The following FBXO4 variants were observed in gnomAD, a reference collection of about 807,000 sequenced individuals.
The protein encoded by FBXO4 is F-box only protein 4.
FBXO4 carries 36 observed loss-of-function variants against 43.7 expected under a neutral mutation model. The observed-to-expected ratio is 0.82, with a 90% CI of 0.63 to 1.09. The LOEUF is 1.09. FBXO4 is among the 50% of genes least tolerant of loss of function. FBXO4 has a pLI of 0.00. For missense variants in FBXO4, 435 were observed against 474.1 expected, an observed-to-expected ratio of 0.92 and a Z score of 0.77; for synonymous variants, 180 against 165.6, an observed-to-expected ratio of 1.09 and a Z score of -0.67.
chr5:42,004,937 G>A, the FBXO4 span, among the ~76,000 whole-genome samples: 2 of 152,024 alleles, frequency 1.3e-5, no homozygotes, highest in Admixed American at 6.6e-5. Flanking sequence ...ACTGAGGGAC[G>A]GAGGCATTGA....
intron 5 of FBXO4, among the ~76,000 whole-genome samples, chr5:41,936,417 G>T (rs932470603): frequency 1.3e-5 from 2 of 151,926 alleles, no homozygotes; most frequent in Non-Finnish European, 2.9e-5. Flanking sequence ...GCCTGTAGTC[G>T]CAACTACTTG....
the FBXO4 span, among the ~76,000 whole-genome samples, chr5:42,037,092 G>T: frequency 6.6e-6 from 1 of 152,012 alleles, no homozygotes; most frequent in Non-Finnish European, 1.5e-5. Context: ...CTTTATTTTT[G>T]CATGGCTTCT....
chr5:42,017,090 A>G, the FBXO4 span, among the ~76,000 whole-genome samples: 1 of 152,036 alleles, frequency 6.6e-6, no homozygotes, highest in African/African-American at 2.4e-5. Context: ...TATATCGTAT[A>G]TAGTATAGAT....
the FBXO4 span, among the ~76,000 whole-genome samples, chr5:41,959,517 G>T: frequency 1.3e-5 from 2 of 151,916 alleles, no homozygotes; most frequent in African/African-American, 4.8e-5. Context: ...ATAGTTTTTG[G>T]TATTATATTT....
intron 3 of FBXO4, 121 bp downstream of exon 3, chr5:41,930,038 T>C: frequency 1.3e-6 from 1 of 785,958 alleles, no homozygotes; most frequent in Non-Finnish European, 2.0e-6. Context: ...CTTTGGTTGT[T>C]GGGAGCCCTA....
chr5:42,012,853 A>G, the FBXO4 span, among the ~76,000 whole-genome samples: 1 of 152,206 alleles, frequency 6.6e-6, no homozygotes, highest in Non-Finnish European at 1.5e-5. Context: ...TGTTTGTTGT[A>G]AGATTTACAA....
the FBXO4 span, among the ~76,000 whole-genome samples, chr5:42,003,209 T>G: frequency 6.6e-6 from 1 of 152,134 alleles, no homozygotes; most frequent in African/African-American, 2.4e-5. Flanking sequence ...AGTTGTGGAG[T>G]TGAGGCAAAA....
At chr5:42,030,355 G>A in the FBXO4 span, among the ~76,000 whole-genome samples, 1 of 152,058 alleles carries the variant, frequency 6.6e-6, no homozygotes, top group Non-Finnish European at 1.5e-5. Flanking sequence ...AAGAAATGGG[G>A]AAACGATTCC....
chr5:41,930,753 C>T (rs1158358312), intron 3 of FBXO4, among the ~76,000 whole-genome samples: 3 of 151,720 alleles, frequency 2.0e-5, no homozygotes, highest in East Asian at 1.9e-4. Flanking sequence ...CTGCCAGCTC[C>T]GCCTCCCGGG....
the FBXO4 span, among the ~76,000 whole-genome samples, chr5:41,985,400 G>A: frequency 6.6e-6 from 1 of 152,304 alleles, no homozygotes; most frequent in East Asian, 1.9e-4. Context: ...AAAGAAATAG[G>A]ATTACAAGGC....
the FBXO4 span, among the ~76,000 whole-genome samples, chr5:41,972,344 A>G: frequency 3.3e-5 from 5 of 152,148 alleles, no homozygotes; most frequent in Non-Finnish European, 7.4e-5. Flanking sequence ...AATGCTATTC[A>G]CAGTAGCCAC....
the FBXO4 span, among the ~76,000 whole-genome samples, chr5:41,984,807 A>G: frequency 1.3e-5 from 2 of 152,010 alleles, no homozygotes; most frequent in Non-Finnish European, 2.9e-5. Context: ...CACCCTGCCC[A>G]GCCTAGCTTT....
At chr5:41,950,968 A>C in the FBXO4 span, among the ~76,000 whole-genome samples, 2 of 152,188 alleles carry the variant, frequency 1.3e-5, no homozygotes, top group African/African-American at 2.4e-5. Context: ...AAGAACAGAA[A>C]ACCAAACACC....
At chr5:41,959,864 A>C in the FBXO4 span, among the ~76,000 whole-genome samples, 1 of 152,052 alleles carries the variant, frequency 6.6e-6, no homozygotes, top group South Asian at 2.1e-4. Context: ...GTTTCATATA[A>C]ATTTTAGGAT....
At chr5:42,027,123 T>A in the FBXO4 span, among the ~76,000 whole-genome samples, 4 of 151,898 alleles carry the variant, frequency 2.6e-5, no homozygotes, top group African/African-American at 7.2e-5. Context: ...GTAGGATTGG[T>A]ATTAGTTATT....
intron 3 of FBXO4, 179 bp downstream of exon 3, chr5:41,930,096 C>T (rs1751637102): frequency 3.6e-6 from 2 of 552,464 alleles, no homozygotes; most frequent in Admixed American, 3.6e-5. Flanking sequence ...TATAAGAAAG[C>T]TTCCTCTTAA....
chr5:41,943,644 G>A (rs903814977), downstream of FBXO4, among the ~76,000 whole-genome samples: 12 of 152,098 alleles, frequency 7.9e-5, no homozygotes, highest in South Asian at 4.1e-4. Flanking sequence ...CATATAAAAA[G>A]TGTCACTGTT....
the FBXO4 span, among the ~76,000 whole-genome samples, chr5:42,025,245 A>T: frequency 6.6e-6 from 1 of 151,988 alleles, no homozygotes; most frequent in Non-Finnish European, 1.5e-5. Flanking sequence ...GATATAAGCC[A>T]TTTTAACTGG....
At chr5:41,981,395 G>A in the FBXO4 span, among the ~76,000 whole-genome samples, 1 of 149,654 alleles carries the variant, frequency 6.7e-6, no homozygotes, top group Non-Finnish European at 1.5e-5. Flanking sequence ...TTTTTTAAAT[G>A]GTAAATTAAA....
Sources: allele counts gnomAD v4.1 joint callset (sites outside exome capture counted in the v4.1 genomes callset), GRCh38; gene constraint gnomAD v4.1.1; transcripts MANE v1.5; gene names NCBI Gene and HGNC (gene_info 2026-07-23, HGNC 2026-07-21).